The following ANKFN1 variants were observed in gnomAD, a reference collection of about 807,000 sequenced individuals.
The protein encoded by ANKFN1 is ankyrin repeat and fibronectin type III domain containing 1.
A neutral mutation model predicts 108.7 loss-of-function variants in ANKFN1; 74 were observed. The ratio of observed to expected loss-of-function variants is 0.68; its 90% confidence interval spans 0.56 to 0.83. The LOEUF is 0.83. Ranked by LOEUF, ANKFN1 falls within the 40% of genes least tolerant of loss-of-function variation. The probability of loss-of-function intolerance (pLI) is 0.00; values close to 1 mark genes in which losing one functional copy is unlikely to be tolerated. For synonymous variants in ANKFN1, 547 were observed against 516.2 expected (o/e 1.06, Z -0.81); for missense variants, 1,505 against 1,382.3 (o/e 1.09, Z -1.41).
intron 4 of ANKFN1, among the ~76,000 whole-genome samples, chr17:56,109,856 G>C (rs1178226390): frequency 6.6e-6 from 1 of 152,216 alleles, no homozygotes; most frequent in Non-Finnish European, 1.5e-5. Context: ...AGGCTAATAA[G>C]AAGAGTTCAC....
intron 3 of ANKFN1, among the ~76,000 whole-genome samples, chr17:56,248,773 G>A (rs1266577805): frequency 6.6e-6 from 1 of 152,158 alleles, no homozygotes; most frequent in African/African-American, 2.4e-5. Context: ...TTTAACACTT[G>A]TCATGGTTTC....
chr17:56,483,736 T>A (rs2050779740), intron 18 of ANKFN1, among the ~76,000 whole-genome samples: 1 of 152,186 alleles, frequency 6.6e-6, no homozygotes, highest in Non-Finnish European at 1.5e-5. Flanking sequence ...GATGTGAATG[T>A]GACCATTTAA....
chr17:56,408,395 A>G (rs913215213), intron 8 of ANKFN1, among the ~76,000 whole-genome samples: 1 of 152,080 alleles, frequency 6.6e-6, no homozygotes, highest in Non-Finnish European at 1.5e-5. Context: ...ACTCTAGTTA[A>G]CTCTGGGTTC....
At chr17:56,126,791 C>T (rs142235366) in intron 4 of ANKFN1, among the ~76,000 whole-genome samples, 1 of 152,318 alleles carries the variant, frequency 6.6e-6, no homozygotes, top group African/African-American at 2.4e-5. Flanking sequence ...GAAACAGCAC[C>T]AGGCTTTAAG....
intron 1 of ANKFN1, among the ~76,000 whole-genome samples, chr17:56,209,669 CT>C (rs568896928): frequency 1.2e-4 from 18 of 151,800 alleles, no homozygotes; most frequent in South Asian, 4.2e-4. Context: ...AGGAGAGTGA[CT>C]TTTTTTATTA....
intron 4 of ANKFN1, among the ~76,000 whole-genome samples, chr17:56,327,307 G>C (rs1322415840): frequency 6.6e-6 from 1 of 152,078 alleles, no homozygotes; most frequent in African/African-American, 2.4e-5. Flanking sequence ...CTACCCCAAG[G>C]CTTTATGGCA....
chr17:56,324,346 C>A (rs1282231776), intron 3 of ANKFN1, among the ~76,000 whole-genome samples: 1 of 152,134 alleles, frequency 6.6e-6, no homozygotes, highest in Non-Finnish European at 1.5e-5. Flanking sequence ...CTAATGAATA[C>A]ATGGATGAAT....
intron 1 of ANKFN1, among the ~76,000 whole-genome samples, chr17:56,195,019 GAAGA>G (rs1822519577): frequency 6.6e-6 from 1 of 152,200 alleles, no homozygotes; most frequent in South Asian, 2.1e-4. Context: ...AAAGAGGGGA[GAAGA>G]AACAGAAGAC....
At chr17:56,237,919 A>G (rs1323730786) in intron 3 of ANKFN1, among the ~76,000 whole-genome samples, 1 of 152,164 alleles carries the variant, frequency 6.6e-6, no homozygotes, top group Non-Finnish European at 1.5e-5. Flanking sequence ...GTTTAGTGCT[A>G]TAAATTTCCC....
chr17:56,388,994 CTGTT>C (rs927986219), intron 8 of ANKFN1, among the ~76,000 whole-genome samples: 6 of 148,676 alleles, frequency 4.0e-5, no homozygotes, highest in Non-Finnish European at 8.9e-5. Flanking sequence ...CTCTGGAAAA[CTGTT>C]TGGCAATTTC....
rs531532157 is a variant in ANKFN1, at chr17:56,163,732, C to G, written c.-71+10202C>G. Among the ~76,000 whole-genome samples, 4 of 152,350 alleles carry G rather than the reference C, an allele frequency of 2.6e-5. No individual in the cohort carries two copies. In the South Asian group the frequency reaches 8.3e-4, roughly 32 times the overall value. On this transcript the variant is annotated intron_variant, in intron 1 of 20. Transcript: ENST00000682825. ...CATCAATGGGAACTCATCCATTTAGCTCTACCTAATAGTGTTTGACTTCTT... is the reference window on the plus strand; with the variant it reads ...CATCAATGGGAACTCATCCATTTAGGTCTACCTAATAGTGTTTGACTTCTT...
chr17:56,344,912 AC>A (rs1263139936), intron 4 of ANKFN1, among the ~76,000 whole-genome samples: 1 of 152,044 alleles, frequency 6.6e-6, no homozygotes, highest in Non-Finnish European at 1.5e-5. Context: ...GTTCTGGGAT[AC>A]ATGTGCAGAA....
chr17:56,249,431 C>T (rs976571258), intron 3 of ANKFN1, among the ~76,000 whole-genome samples: 4 of 150,132 alleles, frequency 2.7e-5, no homozygotes, highest in African/African-American at 9.8e-5. Flanking sequence ...AAGACTCTGT[C>T]TCAAAAAAAT....
intron 1 of ANKFN1, among the ~76,000 whole-genome samples, chr17:56,195,129 G>T (rs150571948): frequency 6.6e-6 from 1 of 152,180 alleles, no homozygotes; most frequent in Non-Finnish European, 1.5e-5. Flanking sequence ...CACCCTAAGA[G>T]CATTAATATT....
At chr17:56,101,545 G>C (rs529623949) in intron 4 of ANKFN1, among the ~76,000 whole-genome samples, 96 of 152,332 alleles carry the variant, frequency 6.3e-4, no homozygotes, top group African/African-American at 2.1e-3. Context: ...TACTCAAAGT[G>C]TGCTCTGTGC....
At chr17:56,131,427 A>G (rs11870568) in intron 4 of ANKFN1, among the ~76,000 whole-genome samples, 28,996 of 152,150 alleles carry the variant, frequency 0.19, 3,310 homozygotes, top group African/African-American at 0.3. Context: ...TAAGGCCACT[A>G]AATCAGAAAT....
intron 4 of ANKFN1, among the ~76,000 whole-genome samples, chr17:56,081,243 T>C (rs12938303): frequency 0.56 from 84,554 of 152,040 alleles, 24,971 homozygotes; most frequent in Non-Finnish European, 0.68. Context: ...AGAGCAGGAA[T>C]GAAAGGAAGG....
upstream of ANKFN1, among the ~76,000 whole-genome samples, chr17:56,150,254 A>T (rs545811981): frequency 3.3e-5 from 5 of 152,350 alleles, no homozygotes; most frequent in South Asian, 1.0e-3. Flanking sequence ...TAACACTTGG[A>T]ATCAACATGA....
chr17:56,114,000 T>C (rs1906123327), intron 4 of ANKFN1, among the ~76,000 whole-genome samples: 1 of 152,144 alleles, frequency 6.6e-6, no homozygotes, highest in Admixed American at 6.6e-5. Flanking sequence ...TACAAAAATT[T>C]CGTTGCGTAG....
Sources: allele counts gnomAD v4.1 joint callset (sites outside exome capture counted in the v4.1 genomes callset), GRCh38; gene constraint gnomAD v4.1.1; transcripts MANE v1.5; gene names NCBI Gene and HGNC (gene_info 2026-07-23, HGNC 2026-07-21).